ZFHX3: variants seen among roughly 807,000 people sequenced by gnomAD.
ZFHX3 encodes the protein zinc finger homeobox 3, also known as zinc finger homeobox protein 3.
In ZFHX3, 42 loss-of-function variants were observed where a neutral mutation model predicts 279.1. The observed-to-expected ratio is 0.15, with a 90% CI of 0.12 to 0.19. The LOEUF (loss-of-function observed/expected upper bound fraction) is 0.19, where lower values mean the gene tolerates loss of function less well. Ranked by LOEUF, ZFHX3 falls within the 10% of genes least tolerant of loss-of-function variation. The probability of loss-of-function intolerance (pLI) is 1.00; values close to 1 mark genes in which losing one functional copy is unlikely to be tolerated. For missense variants in ZFHX3, 4,981 were observed against 4,754.0 expected, an observed-to-expected ratio of 1.05 and a Z score of -1.40; for synonymous variants, 2,293 against 1,957.8, an observed-to-expected ratio of 1.17 and a Z score of -4.52.
At chr16:73,380,542 T>C (rs1298499720) in intron 3 of ZFHX3, among the ~76,000 whole-genome samples, 1 of 152,068 alleles carries the variant, frequency 6.6e-6, no homozygotes, top group Non-Finnish European at 1.5e-5. Flanking sequence ...GAAACACTAG[T>C]CAAATAAATT....
intron 3 of ZFHX3, among the ~76,000 whole-genome samples, chr16:72,890,297 C>G (rs979900057): frequency 6.6e-6 from 1 of 152,168 alleles, no homozygotes; most frequent in Non-Finnish European, 1.5e-5. Flanking sequence ...TCACTCAGCA[C>G]TTCTCCTTCC....
chr16:73,693,988 G>C (rs1019892994), intron 1 of ZFHX3, among the ~76,000 whole-genome samples: 14 of 149,756 alleles, frequency 9.3e-5, no homozygotes, highest in Admixed American at 2.0e-4. Context: ...CAACTCTGCT[G>C]ACTCAAATAA....
intron 3 of ZFHX3, among the ~76,000 whole-genome samples, chr16:72,943,971 G>C (rs192093218): frequency 6.6e-6 from 1 of 152,290 alleles, no homozygotes; most frequent in Admixed American, 6.5e-5. Flanking sequence ...GTATCTATAT[G>C]TACTGACCTA....
chr16:73,329,858 G>A (rs765818231), intron 3 of ZFHX3, among the ~76,000 whole-genome samples: 1 of 152,208 alleles, frequency 6.6e-6, no homozygotes, highest in Non-Finnish European at 1.5e-5. Context: ...TTCGGCACGA[G>A]TGAGTTGAAA....
chr16:73,624,788 A>C (rs2052400223), intron 2 of ZFHX3, among the ~76,000 whole-genome samples: 1 of 152,184 alleles, frequency 6.6e-6, no homozygotes, highest in Admixed American at 6.5e-5. Flanking sequence ...CTGGCTGTTA[A>C]TGTGCCTCCG....
intron 1 of ZFHX3, among the ~76,000 whole-genome samples, chr16:73,042,821 A>T (rs371765727): frequency 2.0e-4 from 30 of 152,146 alleles, no homozygotes; most frequent in African/African-American, 6.7e-4. Context: ...CCTGCAGATG[A>T]CTGAAGGTGA....
At chr16:73,660,920 G>C (rs1025351666) in intron 2 of ZFHX3, among the ~76,000 whole-genome samples, 1 of 144,840 alleles carries the variant, frequency 6.9e-6, no homozygotes, top group Admixed American at 6.8e-5. Context: ...GGATCTATCT[G>C]TTCTACTAAT....
chr16:73,709,092 A>T (rs890713731), intron 1 of ZFHX3, among the ~76,000 whole-genome samples: 1 of 152,158 alleles, frequency 6.6e-6, no homozygotes, highest in Non-Finnish European at 1.5e-5. Context: ...ACACACTCCC[A>T]TGTCTACTGC....
intron 3 of ZFHX3, among the ~76,000 whole-genome samples, chr16:72,931,797 A>G (rs1959824124): frequency 6.6e-6 from 1 of 152,180 alleles, no homozygotes; most frequent in Admixed American, 6.5e-5. Flanking sequence ...GTGGTTTTCG[A>G]TACAAATGAA....
intron 2 of ZFHX3, among the ~76,000 whole-genome samples, chr16:73,656,846 T>C (rs2052726342): frequency 1.3e-5 from 2 of 152,238 alleles, no homozygotes; most frequent in South Asian, 4.1e-4. Flanking sequence ...ACATGATTTA[T>C]ATCAAAATGT....
chr16:73,369,972 G>T (rs1198683247), intron 3 of ZFHX3, among the ~76,000 whole-genome samples: 3 of 152,134 alleles, frequency 2.0e-5, no homozygotes, highest in African/African-American at 7.2e-5. Flanking sequence ...ATGGCTCCAG[G>T]ACACACAAAA....
At chr16:73,861,131 T>C (rs71388993) in intron 1 of ZFHX3, among the ~76,000 whole-genome samples, 1 of 151,454 alleles carries the variant, frequency 6.6e-6, no homozygotes, top group African/African-American at 2.4e-5. Flanking sequence ...ACCTGGATGG[T>C]TTTTTTTGTA....
intron 1 of ZFHX3, among the ~76,000 whole-genome samples, chr16:73,728,192 C>T (rs1171472095): frequency 2.0e-5 from 3 of 151,354 alleles, no homozygotes; most frequent in African/African-American, 2.4e-5. Flanking sequence ...TTGGATTTCT[C>T]GAGAGAGAGA....
At chr16:73,846,918 C>G (rs1961463355) in intron 1 of ZFHX3, among the ~76,000 whole-genome samples, 1 of 152,020 alleles carries the variant, frequency 6.6e-6, no homozygotes. Context: ...TTATTTTAAA[C>G]TTGTTTTTAA....
At chr16:73,796,330 A>C (rs1227799252) in intron 1 of ZFHX3, 1 of 152,246 alleles carries the variant, frequency 6.6e-6, no homozygotes, top group Non-Finnish European at 1.5e-5. Flanking sequence ...ATGCCTGAAC[A>C]GTAAGAAAAA....
At chr16:73,089,192 C>T (rs1966043623) in intron 8 of ZFHX3, among the ~76,000 whole-genome samples, 1 of 152,150 alleles carries the variant, frequency 6.6e-6, no homozygotes, top group South Asian at 2.1e-4. Context: ...CAACCTCCGC[C>T]TCCCAGGTTC....
chr16:73,712,108 A>T (rs990410996), intron 1 of ZFHX3, among the ~76,000 whole-genome samples: 1 of 152,200 alleles, frequency 6.6e-6, no homozygotes, highest in African/African-American at 2.4e-5. Context: ...AGGAATGGTG[A>T]GGTCTGGTCC....
intron 4 of ZFHX3, among the ~76,000 whole-genome samples, chr16:73,296,511 C>T (rs2014912909): frequency 6.6e-6 from 1 of 152,166 alleles, no homozygotes; most frequent in African/African-American, 2.4e-5. Flanking sequence ...TCTCTTTTAG[C>T]AATATTTAAG....
intron 3 of ZFHX3, among the ~76,000 whole-genome samples, chr16:72,937,653 T>C (rs1328434782): frequency 6.6e-6 from 1 of 151,954 alleles, no homozygotes; most frequent in African/African-American, 2.4e-5. Context: ...GCCACCGCCA[T>C]GCTACACCCC....
Sources: allele counts gnomAD v4.1 joint callset (sites outside exome capture counted in the v4.1 genomes callset), GRCh38; gene constraint gnomAD v4.1.1; transcripts MANE v1.5; gene names NCBI Gene and HGNC (gene_info 2026-07-23, HGNC 2026-07-21).